Variants in ART1 observed in about 807,000 individuals in gnomAD.
ART1 encodes GPI-linked NAD(P)(+)--arginine ADP-ribosyltransferase 1.
ART1 carries 29 observed loss-of-function variants against 27.0 expected under a neutral mutation model. The ratio of observed to expected loss-of-function variants is 1.08; its 90% CI spans 0.80 to 1.47. ART1 has a LOEUF of 1.47. Ranked by LOEUF, ART1 falls within the 40% of genes most tolerant of loss-of-function variation. The probability of loss-of-function intolerance (pLI) is 0.00; values close to 1 mark genes in which losing one functional copy is unlikely to be tolerated. For synonymous variants in ART1, 201 were observed against 172.2 expected, an observed-to-expected ratio of 1.17 and a Z score of -1.31; for missense variants, 480 against 423.0, an observed-to-expected ratio of 1.13 and a Z score of -1.18.
chr11:3,659,599 T>G lies in ART1; in HGVS notation c.80T>G (p.Ile27Ser). The G allele has an allele frequency of 6.2e-7, 1 of 1,604,318 alleles. No homozygotes were observed. Among genetic ancestry groups the G allele is most frequent in the Non-Finnish European group, 8.5e-7 (1 of 1,176,376 alleles). The change falls in exon 3 of 5, where the codon ATC (isoleucine) becomes AGC (serine). Residue 27 changes from isoleucine (I) to serine (S), a missense_variant. Physicochemically the swap from Ile to Ser is moderately radical, Grantham distance 142. Coordinates refer to ENST00000250693, the MANE Select transcript of ART1 (RefSeq NM_004314.3). ...TCCCCTCAGGCCCAGAGCCACCCCA[T>G]CACACGACGAGACCTCTTCTCTCAA... ...MEALQAQSHP[I>S]TRRDLFSQEI...
At chr11:3,659,075 C>T (rs2077596807) in intron 1 of ART1, 87 bp from the exon 2 acceptor site, 3 of 776,454 alleles carry the variant, frequency 3.9e-6, no homozygotes, top group South Asian at 3.4e-5. Context: ...TGTCTTATGA[C>T]TCTCAGTGCC....
intron 1 of ART1, among the ~76,000 whole-genome samples, chr11:3,653,272 C>A (rs928761245): frequency 1.3e-5 from 2 of 148,962 alleles, no homozygotes; most frequent in East Asian, 3.9e-4. Context: ...TCCCCTGTGA[C>A]CTGCACATAC....
At position 3,653,683 on chromosome 11, in the gene ART1, G is replaced by C. The variant is rs1001379251; in HGVS notation, c.-52-5479G>C. Among the ~76,000 whole-genome samples, 6 of 152,084 alleles carry C rather than the reference G, an allele frequency of 3.9e-5. No homozygotes were observed. The South Asian group carries it at 1.0e-3, about 26-fold the overall frequency. Reference sequence around the variant, plus strand: ...TTTAAATCTACTCCGCTTCTCCTCTGTGTTTCTAGTTTAAAGAATGGAAAC... The same window carrying C: ...TTTAAATCTACTCCGCTTCTCCTCTCTGTTTCTAGTTTAAAGAATGGAAAC... On this transcript the variant is annotated intron_variant, in intron 1 of 4. Transcript: ENST00000250693.
intron 1 of ART1, among the ~76,000 whole-genome samples, chr11:3,650,272 G>A (rs540243023): frequency 3.3e-5 from 5 of 152,218 alleles, no homozygotes; most frequent in South Asian, 2.1e-4. Flanking sequence ...CTCCTAAGCC[G>A]TATCCCATCT....
At position 3,659,795 on chromosome 11, in the gene ART1, G is replaced by C; in HGVS notation, c.276G>C (p.Arg92Ser). The C allele has an allele frequency of 6.8e-6, 11 of 1,612,986 alleles. No homozygotes were observed. Among genetic ancestry groups the C allele is most frequent in the Non-Finnish European group, 8.5e-6 (10 of 1,179,710 alleles). Residue 92 changes from arginine to serine, a missense_variant, in exon 3 of 5, where the codon AGG becomes AGC. Transcript: ENST00000250693. ...ASSQWQERQA[R>S]WPEWSLSPTR... ...GCCAATGGCAGGAGCGTCAGGCCAG[G>C]TGGCCAGAGTGGAGTCTCAGCCCCA...
chr11:3,647,448 C>A (rs1035211476), intron 1 of ART1, among the ~76,000 whole-genome samples: 1 of 151,994 alleles, frequency 6.6e-6, no homozygotes, highest in Non-Finnish European at 1.5e-5. Context: ...ACAGCTTGGT[C>A]AACATGGCAA....
At chr11:3,661,288 A>C in intron 3 of ART1, 84 bp from the exon 4 acceptor site, 1 of 1,269,288 alleles carries the variant, frequency 7.9e-7, no homozygotes, top group Non-Finnish European at 1.1e-6. Flanking sequence ...AGAACAAGTC[A>C]GGGATGGACT....
At chr11:3,648,296 G>A (rs1359891622) in intron 1 of ART1, among the ~76,000 whole-genome samples, 1 of 152,136 alleles carries the variant, frequency 6.6e-6, no homozygotes. Flanking sequence ...TCTTCACACG[G>A]ACGCGCATGA....
At chr11:3,646,953 CAT>C (rs1379809827) in intron 1 of ART1, among the ~76,000 whole-genome samples, 1 of 152,126 alleles carries the variant, frequency 6.6e-6, no homozygotes, top group African/African-American at 2.4e-5. Context: ...TGCACTTAAA[CAT>C]GTGTAAAGAG....
At chr11:3,658,437 C>T (rs983397280) in intron 1 of ART1, among the ~76,000 whole-genome samples, 6 of 152,200 alleles carry the variant, frequency 3.9e-5, no homozygotes, top group Middle Eastern at 3.4e-3. Flanking sequence ...TCGGGCACTC[C>T]GCCTGTCCCC....
chr11:3,659,825 T>TGAGACTC lies in ART1; in HGVS notation c.306_307insGAGACTC (p.Pro103GlufsTer13), dbSNP rs772036984. 1 of 1,611,954 alleles carries TGAGACTC rather than the reference T, an allele frequency of 6.2e-7. No homozygotes were observed. Among genetic ancestry groups the TGAGACTC allele is most frequent in the South Asian group, 1.1e-5 (1 of 90,946 alleles). On this transcript the variant is annotated frameshift_variant, in exon 3 of 5. Transcript: ENST00000250693. LOFTEE classifies it high-confidence loss of function. The stretch of plus-strand genomic sequence containing the variant: ...CAGAGTGGAGTCTCAGCCCCACCCG[T>TGAGACTC]CCATCCCCGCCACCCCTGGGCTTCC...
chr11:3,646,096 C>T (rs2077468035), intron 1 of ART1, among the ~76,000 whole-genome samples: 1 of 151,922 alleles, frequency 6.6e-6, no homozygotes, highest in South Asian at 2.1e-4. Flanking sequence ...GTATCTCTTC[C>T]CTCATGATTT....
intron 4 of ART1, among the ~76,000 whole-genome samples, chr11:3,662,727 C>T (rs2077629074): frequency 1.3e-5 from 2 of 152,186 alleles, no homozygotes; most frequent in South Asian, 4.1e-4. Context: ...GCCTGTAATC[C>T]CAGCTACTCG....
intron 4 of ART1, 77 bp downstream of exon 4, chr11:3,661,490 CTTTTTTT>C (rs530856927): frequency 1.2e-4 from 37 of 318,412 alleles, no homozygotes; most frequent in Middle Eastern, 9.2e-4. Context: ...TCACCTCGAT[CTTTTTTT>C]TTTTTTTTTT....
chr11:3,652,231 G>A (rs983766617), intron 1 of ART1, among the ~76,000 whole-genome samples: 2 of 150,764 alleles, frequency 1.3e-5, no homozygotes, highest in Non-Finnish European at 2.9e-5. Flanking sequence ...TCACTGGATA[G>A]GTACAGGCCT....
At chr11:3,657,216 G>A (rs7123164) in intron 1 of ART1, among the ~76,000 whole-genome samples, 21,217 of 152,114 alleles carry the variant, frequency 0.14, 1,618 homozygotes, top group South Asian at 0.19. Context: ...TCTGAAGGGA[G>A]GTTTCAGCTT....
chr11:3,653,313 G>A (rs1186500221), intron 1 of ART1, among the ~76,000 whole-genome samples: 1 of 148,538 alleles, frequency 6.7e-6, no homozygotes, highest in Non-Finnish European at 1.5e-5. Context: ...TGCCTTAACT[G>A]ATGACATTCC....
chr11:3,652,047 A>C (rs28867119), intron 1 of ART1, among the ~76,000 whole-genome samples: 45,262 of 149,406 alleles, frequency 0.3, 7,598 homozygotes, highest in African/African-American at 0.46. Context: ...TCAAGGAAAT[A>C]ACTTCTCAGT....
chr11:3,645,581 C>T (rs2077465115), intron 1 of ART1, among the ~76,000 whole-genome samples: 1 of 152,192 alleles, frequency 6.6e-6, no homozygotes, highest in South Asian at 2.1e-4. Context: ...GCCAGCCACC[C>T]ACCTGCTCTG....
Sources: gnomAD v4.1 joint callset for allele counts (sites outside exome capture counted in the v4.1 genomes callset) on GRCh38, gnomAD v4.1.1 for gene constraint, MANE v1.5 for transcripts, NCBI Gene and HGNC (gene_info 2026-07-23, HGNC 2026-07-21) for gene names.